Variants in SLC12A8 observed in about 807,000 individuals in gnomAD.
SLC12A8 encodes cation-chloride cotransporter 9.
In SLC12A8, 69 loss-of-function variants were observed where a neutral mutation model predicts 75.6. That is an observed-to-expected ratio of 0.91 (90% CI 0.75 to 1.11). The LOEUF (loss-of-function observed/expected upper bound fraction) is 1.11, where lower values mean the gene tolerates loss of function less well. Ranked by LOEUF, SLC12A8 falls within the 50% of genes most tolerant of loss-of-function variation. The pLI is 0.00. For synonymous variants in SLC12A8, 365 were observed against 372.8 expected, an observed-to-expected ratio of 0.98 and a Z score of 0.24; for missense variants, 877 against 896.7, an observed-to-expected ratio of 0.98 and a Z score of 0.28.
At chr3:125,171,952 G>T (rs1202480010) in intron 5 of SLC12A8, among the ~76,000 whole-genome samples, 8 of 1,922 alleles carry the variant, frequency 4.2e-3, no homozygotes, top group South Asian at 0.018. Flanking sequence ...AAATTAAAAA[G>T]TAAAAAAAAA....
chr3:125,091,578 A>C (rs772421056), intron 11 of SLC12A8, 22 bp from the exon 12 acceptor site: 16 of 1,530,898 alleles, frequency 1.0e-5, no homozygotes, highest in Non-Finnish European at 1.4e-5. Flanking sequence ...GAGTAGGAAG[A>C]GCAAATCACC....
At chr3:125,123,652 A>G (rs978520798) in intron 6 of SLC12A8, 9 of 152,196 alleles carry the variant, frequency 5.9e-5, no homozygotes, top group African/African-American at 2.2e-4. Flanking sequence ...TTATAAAACC[A>G]TCAGATCTCG....
chr3:125,210,084 A>C (rs1385017224), intron 2 of SLC12A8, among the ~76,000 whole-genome samples: 4 of 152,232 alleles, frequency 2.6e-5, no homozygotes. Context: ...CACAGAGGTC[A>C]TTGTATCCAT....
At chr3:125,118,710 G>T in intron 8 of SLC12A8, 59 bp downstream of exon 8, 1 of 1,291,368 alleles carries the variant, frequency 7.7e-7, no homozygotes, top group Non-Finnish European at 1.1e-6. Context: ...ATTTGTTGGT[G>T]AGAACAAATA....
intron 3 of SLC12A8, among the ~76,000 whole-genome samples, chr3:125,187,851 T>G (rs1934825650): frequency 6.6e-6 from 1 of 150,616 alleles, no homozygotes; most frequent in South Asian, 2.1e-4. Context: ...CCTTTAGGCC[T>G]CAACGTTTAG....
At chr3:125,186,126 G>C (rs1934776683) in intron 4 of SLC12A8, among the ~76,000 whole-genome samples, 1 of 151,180 alleles carries the variant, frequency 6.6e-6, no homozygotes, top group Non-Finnish European at 1.5e-5. Context: ...CTTGCAGCCT[G>C]GTTGGCTATA....
intron 5 of SLC12A8, chr3:125,154,925 G>A (rs916908444): frequency 6.6e-6 from 1 of 152,104 alleles, no homozygotes; most frequent in African/African-American, 2.4e-5. Context: ...TATTGGCCTC[G>A]AGCTCAAGCC....
In SLC12A8 at chr3:125,114,720, A is replaced by G. The variant is rs528327051; in HGVS notation, c.912+4049T>C. 5.3e-5 allele frequency among the ~76,000 whole-genome samples: 8 copies of G among 152,240 alleles called. No individual in the cohort carries two copies. In the South Asian group the frequency reaches 1.7e-3, roughly 32 times the overall value. ...GGGATTACAGGCATGAACCACCCAG[A>G]TTCCCTAGTCTTAACAATAATACTT... is the stretch of plus-strand genomic sequence containing the variant. On this transcript the variant is annotated intron_variant, in intron 8 of 13. Transcript: ENST00000469902.
chr3:125,095,160 C>G (rs1476203431), intron 10 of SLC12A8, among the ~76,000 whole-genome samples: 1 of 152,220 alleles, frequency 6.6e-6, no homozygotes, highest in East Asian at 1.9e-4. Context: ...AAGTTTACAT[C>G]ATCCTCGACC....
Position 125,093,715 on chromosome 3 carries a change from G to A in SLC12A8, c.1706-1517C>T, listed in dbSNP as rs528248445. 2.6e-4 allele frequency among the ~76,000 whole-genome samples: 39 copies of A among 152,204 alleles called. No individual in the cohort carries two copies. The South Asian group carries it at 8.1e-3, about 32-fold the overall frequency. ...CCCATTGGATTATATGCTTCATGGG[G>A]GCAGGGTCCACATCCATCTTGAGCC... On this transcript the variant is annotated intron_variant, in intron 10 of 13. Coordinates refer to ENST00000469902, the MANE Select transcript of SLC12A8 (RefSeq NM_024628.6).
Position 125,181,624 on chromosome 3 carries a change from A to G in SLC12A8, c.391-3650T>C, listed in dbSNP as rs533067501. Among the ~76,000 whole-genome samples the G allele has an allele frequency of 2.6e-3, 390 of 147,762 alleles. 1 individual carries two copies. Among genetic ancestry groups the G allele is most frequent in the African/African-American group, 8.6e-3 (352 of 41,024 alleles). On this transcript the variant is annotated intron_variant, in intron 4 of 13. Coordinates refer to ENST00000469902, the MANE Select transcript of SLC12A8 (RefSeq NM_024628.6). ...CTCCGTCTCAAAAAAAAAAAAAAAA[A>G]AAAGAAAAATAAAGGAACGAAGAAT...
At chr3:125,147,607 C>A (rs1933817675) in intron 5 of SLC12A8, among the ~76,000 whole-genome samples, 1 of 152,218 alleles carries the variant, frequency 6.6e-6, no homozygotes, top group African/African-American at 2.4e-5. Flanking sequence ...CACTGGGGTG[C>A]TGGATGAGTC....
chr3:125,198,916 T>G (rs1398808688), intron 2 of SLC12A8, among the ~76,000 whole-genome samples: 1 of 151,852 alleles, frequency 6.6e-6, no homozygotes, highest in African/African-American at 2.4e-5. Flanking sequence ...TAGCTGAGAC[T>G]ACAGGCACCC....
At chr3:125,112,366 C>G (rs1387153415) in intron 8 of SLC12A8, among the ~76,000 whole-genome samples, 1 of 152,152 alleles carries the variant, frequency 6.6e-6, no homozygotes, top group Non-Finnish European at 1.5e-5. Context: ...TCAATGTCAT[C>G]TAGTGTTTCC....
intron 5 of SLC12A8, among the ~76,000 whole-genome samples, chr3:125,151,873 T>G (rs1933934098): frequency 6.6e-6 from 1 of 152,234 alleles, no homozygotes; most frequent in African/African-American, 2.4e-5. Flanking sequence ...GAATTAAAAT[T>G]GATGGTGACT....
chr3:125,121,296 G>A (rs985411915), intron 6 of SLC12A8, among the ~76,000 whole-genome samples: 5 of 152,240 alleles, frequency 3.3e-5, no homozygotes, highest in Admixed American at 6.5e-5. Flanking sequence ...GGGACCCACA[G>A]CACAGTGCTG....
intron 8 of SLC12A8, among the ~76,000 whole-genome samples, chr3:125,118,545 C>T (rs1042486684): frequency 2.0e-5 from 3 of 152,186 alleles, no homozygotes; most frequent in African/African-American, 7.2e-5. Context: ...AGGAGAATTG[C>T]TTGAGCCTGG....
Position 125,166,097 on chromosome 3 carries a change from C to T in SLC12A8, c.622+11646G>A, listed in dbSNP as rs535609911. 1.6e-3 allele frequency among the ~76,000 whole-genome samples: 248 copies of T among 152,316 alleles called. 1 individual carries two copies. Among genetic ancestry groups the T allele is most frequent in the Non-Finnish European group, 2.0e-3 (135 of 68,028 alleles). ...TGCCCAAGCGTTTCGCCCAGCCCACCGCTTCTCCTGCTCCCATGCTGCGGG... is the reference window on the plus strand; with the variant it reads ...TGCCCAAGCGTTTCGCCCAGCCCACTGCTTCTCCTGCTCCCATGCTGCGGG... On this transcript the variant is annotated intron_variant, in intron 5 of 13. Coordinates refer to ENST00000469902, the MANE Select transcript of SLC12A8 (RefSeq NM_024628.6).
intron 1 of SLC12A8, among the ~76,000 whole-genome samples, chr3:125,211,923 G>A (rs1458011236): frequency 6.6e-6 from 1 of 152,128 alleles, no homozygotes; most frequent in Non-Finnish European, 1.5e-5. Context: ...AGTGAGAAAA[G>A]GCTGGACAGG....
Sources: allele counts gnomAD v4.1 joint callset (sites outside exome capture counted in the v4.1 genomes callset), GRCh38; gene constraint gnomAD v4.1.1; transcripts MANE v1.5; gene names NCBI Gene and HGNC (gene_info 2026-07-23, HGNC 2026-07-21).